Variants in PRR5 observed in about 807,000 individuals in gnomAD.
PRR5 encodes proline rich 5, also known as proline-rich protein 5.
Under a neutral mutation model 30.6 loss-of-function variants are expected in PRR5, and 25 were observed. That is an observed-to-expected ratio of 0.82 (90% CI 0.60 to 1.14). PRR5 has a LOEUF of 1.14. Among genes scored for constraint, PRR5 ranks in the 50% most tolerant of loss-of-function variants. The pLI is 0.00. For missense variants in PRR5, 600 were observed against 547.1 expected (o/e 1.10, Z -0.96); for synonymous variants, 286 against 247.1 (o/e 1.16, Z -1.48).
At chr22:44,709,376 C>T (rs949189457) in intron 1 of PRR5, among the ~76,000 whole-genome samples, 12 of 152,068 alleles carry the variant, frequency 7.9e-5, no homozygotes, top group South Asian at 2.1e-4. Context: ...GATGCAGTGA[C>T]GGGCACAGAG....
intron 2 of PRR5, among the ~76,000 whole-genome samples, chr22:44,716,021 G>A (rs778238779): frequency 1.2e-4 from 18 of 152,176 alleles, no homozygotes; most frequent in Non-Finnish European, 2.6e-4. Context: ...ACAGTCCCCA[G>A]CTTTGGACAT....
At chr22:44,729,930 T>C (rs2147155371) in intron 4 of PRR5, 2 of 985,428 alleles carry the variant, frequency 2.0e-6, no homozygotes, top group South Asian at 9.4e-5. Flanking sequence ...GAAGGGACTT[T>C]GTGTGTGGGC....
intron 2 of PRR5, among the ~76,000 whole-genome samples, chr22:44,718,959 T>C (rs1929520092): frequency 6.6e-6 from 1 of 152,254 alleles, no homozygotes; most frequent in Non-Finnish European, 1.5e-5. Context: ...TTTCACTTTA[T>C]TTCTGTGTCC....
At chr22:44,708,122 T>C (rs1250714362) in intron 1 of PRR5, among the ~76,000 whole-genome samples, 1 of 151,732 alleles carries the variant, frequency 6.6e-6, no homozygotes, top group Non-Finnish European at 1.5e-5. Flanking sequence ...ATCACTTGAA[T>C]CCGGGAGACG....
chr22:44,729,321 A>T (rs1488255103), intron 4 of PRR5: 9 of 980,590 alleles, frequency 9.2e-6, no homozygotes, highest in Admixed American at 6.2e-5. Context: ...CAGGGCCTGC[A>T]CAGGGCCCTC....
intron 1 of PRR5, among the ~76,000 whole-genome samples, chr22:44,710,135 C>T (rs1374265010): frequency 2.0e-5 from 3 of 152,132 alleles, no homozygotes; most frequent in Non-Finnish European, 2.9e-5. Flanking sequence ...TGTCCTCCCC[C>T]ATGGCCTGTT....
At chr22:44,674,904 C>G (rs1486901858), upstream of PRR5, among the ~76,000 whole-genome samples, 2 of 139,314 alleles carry the variant, frequency 1.4e-5, no homozygotes, top group African/African-American at 5.3e-5. Context: ...CGAGATCTCG[C>G]CACTGCACTC....
intron 6 of PRR5, among the ~76,000 whole-genome samples, chr22:44,732,868 T>C (rs1257344170): frequency 7.6e-6 from 1 of 131,680 alleles, no homozygotes; most frequent in Non-Finnish European, 1.6e-5. Flanking sequence ...ACGCACATAC[T>C]ACACACTGCA....
intron 1 of PRR5, among the ~76,000 whole-genome samples, chr22:44,686,811 G>C (rs1052204846): frequency 1.3e-5 from 2 of 152,134 alleles, no homozygotes; most frequent in Non-Finnish European, 2.9e-5. Context: ...ACTGGGTTTT[G>C]CCATGCTGGC....
At chr22:44,716,194 C>G (rs912583393) in intron 2 of PRR5, among the ~76,000 whole-genome samples, 1 of 152,210 alleles carries the variant, frequency 6.6e-6, no homozygotes, top group African/African-American at 2.4e-5. Flanking sequence ...CCCTCGTCAG[C>G]CCCAGGATTC....
Position 44,714,592 on chromosome 22 carries a change from A to C in PRR5, c.136A>C (p.Ile46Leu). The part of the protein sequence containing the change: ...RACANATWNS[I>L]HNGVIAVFQR... ...GTGTTTTCTTCCCTCTGCCCCCAGC[A>C]TCCACAACGGGGTGATCGCCGTCTT... Residue 46 changes from isoleucine to leucine, a missense_variant and splice_region_variant, in exon 2 of 8, where the codon ATC (isoleucine) becomes CTC (leucine). Transcript: ENST00000336985. 6.2e-7 allele frequency: 1 copy of C among 1,613,078 alleles called. No homozygotes were observed. Among genetic ancestry groups the C allele is most frequent in the Non-Finnish European group, 8.5e-7 (1 of 1,179,966 alleles).
chr22:44,698,854 A>C (rs1311146476), upstream of PRR5, among the ~76,000 whole-genome samples: 2 of 152,178 alleles, frequency 1.3e-5, no homozygotes, highest in African/African-American at 4.8e-5. Flanking sequence ...TTTGTCCCCC[A>C]GTTGCCCCCT....
intron 2 of PRR5, 60 bp from the exon 3 acceptor site, chr22:44,725,184 G>A (rs1482871112): frequency 1.9e-6 from 3 of 1,601,216 alleles, no homozygotes; most frequent in Middle Eastern, 1.7e-4. Flanking sequence ...CAGTCCGTGG[G>A]TCCCCCATGC....
chr22:44,714,806 G>A, intron 2 of PRR5, 135 bp downstream of exon 2: 1 of 1,219,764 alleles, frequency 8.2e-7, no homozygotes, highest in Non-Finnish European at 1.1e-6. Flanking sequence ...TCTGTCAACA[G>A]GAGAGCGAGG....
chr22:44,697,949 C>T (rs191129029), upstream of PRR5, among the ~76,000 whole-genome samples: 8 of 152,326 alleles, frequency 5.3e-5, no homozygotes, highest in East Asian at 7.7e-4. Flanking sequence ...TATGCTGTCT[C>T]CTCCCTTTGG....
In PRR5 at chr22:44,731,717, C is replaced by T. The variant is rs752429281; in HGVS notation, c.323-13C>T. Reference sequence around the variant, plus strand: ...CCAGTCAGGCCCAGTGGTGATGGCCCCCATGCCCACAGGACAGAAGCTGCT... The same window carrying T: ...CCAGTCAGGCCCAGTGGTGATGGCCTCCATGCCCACAGGACAGAAGCTGCT... On this transcript the variant is annotated splice_polypyrimidine_tract_variant and intron_variant, in intron 4 of 7. Transcript: ENST00000336985. 2.5e-6 allele frequency: 4 copies of T among 1,613,306 alleles called. No homozygotes were observed. The East Asian group carries it at 8.9e-5, about 36-fold the overall frequency.
At chr22:44,681,190 A>G (rs961626512) in intron 1 of PRR5, among the ~76,000 whole-genome samples, 2 of 152,144 alleles carry the variant, frequency 1.3e-5, no homozygotes, top group African/African-American at 2.4e-5. Context: ...TGCCTGCCAC[A>G]TAGTAGGAGT....
intron 4 of PRR5, chr22:44,729,553 C>T (rs780436417): frequency 1.5e-4 from 146 of 985,380 alleles, no homozygotes; most frequent in Non-Finnish European, 1.6e-4. Flanking sequence ...GACCTGCCCA[C>T]GTGGGGACGT....
chr22:44,733,299 T>C (rs1484777008), intron 6 of PRR5, among the ~76,000 whole-genome samples: 1 of 152,242 alleles, frequency 6.6e-6, no homozygotes, highest in Non-Finnish European at 1.5e-5. Flanking sequence ...GACCACACAG[T>C]CACTGCCGGC....
Sources: gnomAD v4.1 joint callset for allele counts (sites outside exome capture counted in the v4.1 genomes callset) on GRCh38, gnomAD v4.1.1 for gene constraint, MANE v1.5 for transcripts, NCBI Gene and HGNC (gene_info 2026-07-23, HGNC 2026-07-21) for gene names.